Variants in SCD5 observed in about 807,000 individuals in gnomAD.
SCD5 encodes acyl-CoA-desaturase 4.
In SCD5, 20 loss-of-function variants were observed where a neutral mutation model predicts 30.4. The ratio of observed to expected loss-of-function variants is 0.66; its 90% CI spans 0.46 to 0.96. The LOEUF (loss-of-function observed/expected upper bound fraction) is 0.96, where lower values mean the gene tolerates loss of function less well. Ranked by LOEUF, SCD5 falls within the 40% of genes least tolerant of loss-of-function variation. The pLI, the probability that SCD5 is intolerant of heterozygous loss-of-function variation, is 0.00. For missense variants in SCD5, 381 were observed against 443.3 expected (o/e 0.86, Z 1.26); for synonymous variants, 173 against 176.4 (o/e 0.98, Z 0.16).
intron 1 of SCD5, among the ~76,000 whole-genome samples, chr4:82,719,713 C>T (rs1194871473): frequency 5.3e-5 from 8 of 151,244 alleles, no homozygotes; most frequent in African/African-American, 2.0e-4. Context: ...CCATGTTGGC[C>T]AGGATGGTCT....
intron 3 of SCD5, among the ~76,000 whole-genome samples, chr4:82,665,632 C>A (rs1728169647): frequency 6.6e-6 from 1 of 151,874 alleles, no homozygotes; most frequent in South Asian, 2.1e-4. Flanking sequence ...AAAATAAAGA[C>A]CTTCAGACAA....
intron 1 of SCD5, among the ~76,000 whole-genome samples, chr4:82,730,351 C>T (rs1720607145): frequency 2.0e-5 from 3 of 149,804 alleles, no homozygotes; most frequent in African/African-American, 7.3e-5. Flanking sequence ...AGCTGGAGTC[C>T]AGTGGCACGA....
chr4:82,770,687 G>T (rs564054388), intron 1 of SCD5, among the ~76,000 whole-genome samples: 3 of 152,338 alleles, frequency 2.0e-5, no homozygotes, highest in Middle Eastern at 3.4e-3. Context: ...TGTCCCCTTG[G>T]CTCTTACCGT....
At chr4:82,769,515 C>A (rs1341169676) in intron 1 of SCD5, among the ~76,000 whole-genome samples, 2 of 152,056 alleles carry the variant, frequency 1.3e-5, no homozygotes, top group African/African-American at 2.4e-5. Flanking sequence ...CCTTAACCTG[C>A]CTTTCAGTAT....
intron 3 of SCD5, among the ~76,000 whole-genome samples, chr4:82,667,282 A>ACG (rs138751937): frequency 2.6e-3 from 386 of 145,956 alleles, no homozygotes; most frequent in African/African-American, 9.3e-3. Flanking sequence ...ACACACACAC[A>ACG]CACACGCACG....
chr4:82,763,768 A>G (rs965968371), intron 1 of SCD5, among the ~76,000 whole-genome samples: 2 of 152,262 alleles, frequency 1.3e-5, no homozygotes, highest in African/African-American at 4.8e-5. Context: ...GAACTGTGAG[A>G]CACATCTCTT....
intron 1 of SCD5, among the ~76,000 whole-genome samples, chr4:82,707,500 T>A (rs999661339): frequency 2.0e-5 from 3 of 152,174 alleles, no homozygotes; most frequent in African/African-American, 7.2e-5. Context: ...CTCTTCCCTA[T>A]TAGTAACTTG....
chr4:82,719,389 A>G (rs1720307582), intron 1 of SCD5, among the ~76,000 whole-genome samples: 1 of 151,850 alleles, frequency 6.6e-6, no homozygotes, highest in African/African-American at 2.4e-5. Flanking sequence ...CAGTGCTCAC[A>G]GCCCACAATA....
chr4:82,672,004 T>C (rs1326771320), intron 3 of SCD5, among the ~76,000 whole-genome samples: 2 of 152,150 alleles, frequency 1.3e-5, no homozygotes, highest in Non-Finnish European at 2.9e-5. Context: ...TATTTTAAAC[T>C]GAATTAAAAT....
At chr4:82,671,629 G>A (rs1451285105) in intron 3 of SCD5, among the ~76,000 whole-genome samples, 1 of 152,218 alleles carries the variant, frequency 6.6e-6, no homozygotes, top group Non-Finnish European at 1.5e-5. Context: ...TGTTATCCCA[G>A]CACTTTGGGA....
chr4:82,746,045 G>C (rs974189386), intron 1 of SCD5, among the ~76,000 whole-genome samples: 1 of 152,202 alleles, frequency 6.6e-6, no homozygotes, highest in Non-Finnish European at 1.5e-5. Context: ...ATAGAGCAGT[G>C]CCTGGCTCAC....
chr4:82,762,079 T>C (rs1193079117), intron 1 of SCD5, among the ~76,000 whole-genome samples: 1 of 150,200 alleles, frequency 6.7e-6, no homozygotes, highest in Non-Finnish European at 1.5e-5. Flanking sequence ...GGGACAGAAG[T>C]GAGAGGATCG....
intron 1 of SCD5, among the ~76,000 whole-genome samples, chr4:82,767,129 G>T (rs1721509372): frequency 1.3e-5 from 2 of 152,170 alleles, no homozygotes; most frequent in Non-Finnish European, 2.9e-5. Flanking sequence ...CTTTTGAATG[G>T]TTCTTTCCCT....
chr4:82,749,002 C>A (rs1282646397), intron 1 of SCD5, among the ~76,000 whole-genome samples: 1 of 152,122 alleles, frequency 6.6e-6, no homozygotes, highest in African/African-American at 2.4e-5. Flanking sequence ...CTTATGGGGG[C>A]AATTCGACTA....
At chr4:82,677,089 A>T (rs1392110632) in intron 3 of SCD5, among the ~76,000 whole-genome samples, 1 of 152,230 alleles carries the variant, frequency 6.6e-6, no homozygotes, top group East Asian at 1.9e-4. Flanking sequence ...AATCAACTGC[A>T]ATATCTGTGT....
chr4:82,696,314 T>G (rs1719694343), intron 2 of SCD5, among the ~76,000 whole-genome samples: 1 of 152,194 alleles, frequency 6.6e-6, no homozygotes, highest in Admixed American at 6.5e-5. Context: ...ATTCCTGAGA[T>G]AATCCCGTGA....
intron 1 of SCD5, among the ~76,000 whole-genome samples, chr4:82,779,027 G>C (rs1048764409): frequency 6.6e-6 from 1 of 151,952 alleles, no homozygotes; most frequent in African/African-American, 2.4e-5. Flanking sequence ...CACCACGCCT[G>C]GCTAATTTTG....
chr4:82,742,529 G>A (rs971962481), intron 1 of SCD5, among the ~76,000 whole-genome samples: 3 of 152,230 alleles, frequency 2.0e-5, no homozygotes, highest in Non-Finnish European at 4.4e-5. Context: ...CCTCACACCT[G>A]TAATCCCAGC....
intron 3 of SCD5, among the ~76,000 whole-genome samples, chr4:82,651,537 AC>A (rs1727750348): frequency 1.3e-5 from 2 of 152,204 alleles, no homozygotes; most frequent in African/African-American, 4.8e-5. Context: ...TGATGGGTGC[AC>A]CAAAATCTCA....
Sources: allele counts gnomAD v4.1 joint callset (sites outside exome capture counted in the v4.1 genomes callset), GRCh38; gene constraint gnomAD v4.1.1; transcripts MANE v1.5; gene names NCBI Gene and HGNC (gene_info 2026-07-23, HGNC 2026-07-21).